CAMK1D: variants seen among roughly 807,000 people sequenced by gnomAD.
The protein encoded by CAMK1D is calcium/calmodulin-dependent protein kinase type 1D.
In CAMK1D, 9 loss-of-function variants were observed where a neutral mutation model predicts 47.7. The ratio of observed to expected loss-of-function variants is 0.19; its 90% CI spans 0.11 to 0.33. The LOEUF (loss-of-function observed/expected upper bound fraction) is 0.33. CAMK1D is among the 10% of genes least tolerant of loss of function. CAMK1D has a pLI of 1.00. For missense variants in CAMK1D, 291 were observed against 488.7 expected (o/e 0.60, Z 3.81); for synonymous variants, 184 against 184.9 (o/e 0.99, Z 0.04).
At chr10:12,755,323 G>A (rs775718396) in intron 3 of CAMK1D, among the ~76,000 whole-genome samples, 15 of 152,164 alleles carry the variant, frequency 9.9e-5, no homozygotes, top group African/African-American at 1.9e-4. Context: ...GGACAGCTGC[G>A]TTTTGTGGGA....
At chr10:12,746,708 G>A (rs763730395) in intron 3 of CAMK1D, among the ~76,000 whole-genome samples, 66 of 152,196 alleles carry the variant, frequency 4.3e-4, no homozygotes, top group Non-Finnish European at 7.2e-4. Context: ...GCGTTTCACA[G>A]GAAACAGCAT....
chr10:12,600,277 G>T (rs971293133), intron 2 of CAMK1D, among the ~76,000 whole-genome samples: 1 of 152,218 alleles, frequency 6.6e-6, no homozygotes, highest in African/African-American at 2.4e-5. Flanking sequence ...CCTGTTTCTA[G>T]TTCAGCATTC....
intron 10 of CAMK1D, among the ~76,000 whole-genome samples, chr10:12,828,231 A>G (rs1376982004): frequency 6.6e-6 from 1 of 152,224 alleles, no homozygotes; most frequent in Non-Finnish European, 1.5e-5. Context: ...TTCAAACACA[A>G]AGCAGTTAAA....
At chr10:12,568,142 CTCTCTCCCTGTT>C (rs1837187710) in intron 2 of CAMK1D, among the ~76,000 whole-genome samples, 2 of 128,198 alleles carry the variant, frequency 1.6e-5, no homozygotes, top group African/African-American at 3.3e-5. Flanking sequence ...CCCTCCCTCC[CTCTCTCCCTGTT>C]TCCTTCCCTC....
At chr10:12,774,287 TAC>T (rs78319173) in intron 5 of CAMK1D, among the ~76,000 whole-genome samples, 24,030 of 151,960 alleles carry the variant, frequency 0.16, 2,068 homozygotes, top group Non-Finnish European at 0.19. Context: ...CAATTTTAAC[TAC>T]AGTGTGCAGG....
At chr10:12,437,887 G>T (rs906221571) in intron 1 of CAMK1D, among the ~76,000 whole-genome samples, 1 of 152,104 alleles carries the variant, frequency 6.6e-6, no homozygotes, top group Non-Finnish European at 1.5e-5. Context: ...GCCTTTTCTA[G>T]AGTGTCATGT....
At chr10:12,560,904 ATTTC>A (rs1325949604) in intron 2 of CAMK1D, among the ~76,000 whole-genome samples, 3 of 147,198 alleles carry the variant, frequency 2.0e-5, no homozygotes, top group East Asian at 3.9e-4. Context: ...AGTTACCTTG[ATTTC>A]TTTCTTTCTT....
intron 2 of CAMK1D, among the ~76,000 whole-genome samples, chr10:12,622,435 CAG>C (rs143418290): frequency 0.011 from 1,629 of 152,140 alleles, 34 homozygotes; most frequent in African/African-American, 0.037. Context: ...AAAGTAAACT[CAG>C]GGGTCTCAGT....
intron 3 of CAMK1D, among the ~76,000 whole-genome samples, chr10:12,702,119 G>A (rs1833544089): frequency 1.3e-5 from 2 of 152,144 alleles, no homozygotes; most frequent in African/African-American, 4.8e-5. Context: ...TGCCTAGGCT[G>A]GGAACCCACT....
chr10:12,381,494 C>T (rs894326894), intron 1 of CAMK1D, among the ~76,000 whole-genome samples: 7 of 152,006 alleles, frequency 4.6e-5, no homozygotes, highest in African/African-American at 1.4e-4. Flanking sequence ...TGCCACTGCA[C>T]CTGGCTAATT....
chr10:12,630,345 T>C (rs1441329423), intron 2 of CAMK1D, among the ~76,000 whole-genome samples: 1 of 151,016 alleles, frequency 6.6e-6, no homozygotes, highest in Non-Finnish European at 1.5e-5. Flanking sequence ...TTATCCAAAT[T>C]CTGCTAAGAT....
At chr10:12,570,856 AGAG>A (rs1837302670) in intron 2 of CAMK1D, among the ~76,000 whole-genome samples, 1 of 151,872 alleles carries the variant, frequency 6.6e-6, no homozygotes, top group African/African-American at 2.4e-5. Flanking sequence ...GGAGGCTGAG[AGAG>A]GAGAATAACT....
chr10:12,827,462 T>TTTTC lies in CAMK1D; in HGVS notation c.1040-1306_1040-1305insTTCT, dbSNP rs1564594070. 2.5e-4 allele frequency among the ~76,000 whole-genome samples: 3 copies of TTTTC among 12,122 alleles called. 1 individual carries two copies. The highest frequency in any genetic ancestry group is 5.7e-4 in the African/African-American group (3 of 5,258). The allele number at this position is 12,122 out of a possible 152,430, so 8.0% of individuals were successfully genotyped here. A position where few individuals can be genotyped will look rare whatever the true frequency, so the allele number is the denominator to read the frequency against. On this transcript the variant is annotated intron_variant, in intron 10 of 10. Coordinates refer to ENST00000619168, the MANE Select transcript of CAMK1D (RefSeq NM_153498.4). ...TTCTTTCTTTCTTTCTTTTCTTTCTTTGTCTGTCTGTCTTTCTTTCTTTCT... is the reference window on the plus strand; with the variant it reads ...TTCTTTCTTTCTTTCTTTTCTTTCTTTTTCTGTCTGTCTGTCTTTCTTTCTTTCT...
intron 1 of CAMK1D, among the ~76,000 whole-genome samples, chr10:12,413,619 T>TGGTGATGATGAG (rs1564324441): frequency 8.6e-5 from 2 of 23,184 alleles, no homozygotes; most frequent in African/African-American, 1.5e-4. Context: ...GTGATGCTAA[T>TGGTGATGATGAG]TATGGAAGGA....
intron 2 of CAMK1D, among the ~76,000 whole-genome samples, chr10:12,570,472 A>C (rs1450867688): frequency 1.3e-5 from 2 of 151,988 alleles, no homozygotes; most frequent in Non-Finnish European, 2.9e-5. Context: ...TGAGGTCAGG[A>C]GTTTGAGACC....
chr10:12,526,431 T>A (rs2815645), intron 1 of CAMK1D, among the ~76,000 whole-genome samples: 2,201 of 152,280 alleles, frequency 0.014, 56 homozygotes, highest in African/African-American at 0.05. Context: ...ATAGGATCTC[T>A]TTTTTTCAAC....
chr10:12,733,472 CTGGCATAGAG>C (rs1355013452), intron 3 of CAMK1D, among the ~76,000 whole-genome samples: 1 of 152,204 alleles, frequency 6.6e-6, no homozygotes, highest in African/African-American at 2.4e-5. Context: ...TCAACACTTC[CTGGCATAGAG>C]TGGCTTCTTT....
intron 1 of CAMK1D, among the ~76,000 whole-genome samples, chr10:12,489,414 G>T (rs1834313120): frequency 6.6e-6 from 1 of 152,190 alleles, no homozygotes; most frequent in Non-Finnish European, 1.5e-5. Context: ...CAAACATCCT[G>T]GAGAGTTGAA....
intron 1 of CAMK1D, among the ~76,000 whole-genome samples, chr10:12,363,914 C>CATG (rs1837758403): frequency 1.3e-5 from 2 of 152,214 alleles, no homozygotes; most frequent in South Asian, 4.1e-4. Context: ...CTGCTGTGAA[C>CATG]ATGGGTGTAC....
Sources: gnomAD v4.1 joint callset for allele counts (sites outside exome capture counted in the v4.1 genomes callset) on GRCh38, gnomAD v4.1.1 for gene constraint, MANE v1.5 for transcripts, NCBI Gene and HGNC (gene_info 2026-07-23, HGNC 2026-07-21) for gene names.